Variants in OTUD7A observed in about 807,000 individuals in gnomAD.
The protein encoded by OTUD7A is OTU domain-containing protein 7A.
OTUD7A carries 12 observed loss-of-function variants against 65.7 expected under a neutral mutation model. The observed-to-expected ratio is 0.18, with a 90% confidence interval of 0.12 to 0.30. OTUD7A has a LOEUF of 0.30. OTUD7A is among the 10% of genes least tolerant of loss of function. The pLI, the probability that OTUD7A is intolerant of heterozygous loss-of-function variation, is 1.00. For synonymous variants in OTUD7A, 641 were observed against 586.3 expected (o/e 1.09, Z -1.35); for missense variants, 1,148 against 1,304.8 (o/e 0.88, Z 1.85).
intron 1 of OTUD7A, among the ~76,000 whole-genome samples, chr15:31,752,020 C>G (rs1894651159): frequency 6.6e-6 from 1 of 152,102 alleles, no homozygotes; most frequent in African/African-American, 2.4e-5. Context: ...TGTAACAAAC[C>G]TGCACACATA....
intron 10 of OTUD7A, 124 bp downstream of exon 10, chr15:31,501,566 T>C (rs2041465221): frequency 1.7e-6 from 2 of 1,209,608 alleles, no homozygotes; most frequent in Non-Finnish European, 2.3e-6. Context: ...CACTGCTGAG[T>C]GTGCACAGGT....
At chr15:31,678,225 G>C (rs1892636238) in intron 1 of OTUD7A, among the ~76,000 whole-genome samples, 1 of 152,188 alleles carries the variant, frequency 6.6e-6, no homozygotes, top group Non-Finnish European at 1.5e-5. Flanking sequence ...CATTCACAAA[G>C]ATATGGTTTG....
chr15:31,760,930 T>G (rs950850458), intron 1 of OTUD7A, among the ~76,000 whole-genome samples: 3 of 152,122 alleles, frequency 2.0e-5, no homozygotes, highest in African/African-American at 7.2e-5. Flanking sequence ...GTTTTTTTGT[T>G]TTTTTGTTTT....
rs141428183 is a variant in OTUD7A at position 31,597,194 on chromosome 15, C to T, written c.152-26997G>A. Reference sequence around the variant, plus strand: ...CTGCCGGCCTTGGCCTCTGAAAGTGCTGGGATTATAGGTGTGAGCCACTGT... The same window carrying T: ...CTGCCGGCCTTGGCCTCTGAAAGTGTTGGGATTATAGGTGTGAGCCACTGT... On this transcript the variant is annotated intron_variant, in intron 3 of 12. Transcript: ENST00000307050. Among the ~76,000 whole-genome samples, 356 of 152,246 alleles carry T rather than the reference C, an allele frequency of 2.3e-3. 2 individuals are homozygous for T. Among genetic ancestry groups the T allele is most frequent in the African/African-American group, 8.3e-3 (344 of 41,506 alleles).
intron 1 of OTUD7A, among the ~76,000 whole-genome samples, chr15:31,725,227 G>A (rs182622375): frequency 6.6e-6 from 1 of 152,144 alleles, no homozygotes; most frequent in South Asian, 2.1e-4. Context: ...TGCCCTGCTG[G>A]GAAACTGAAC....
intron 10 of OTUD7A, among the ~76,000 whole-genome samples, chr15:31,493,159 AAAG>A (rs1434400556): frequency 3.1e-4 from 29 of 93,058 alleles, no homozygotes; most frequent in East Asian, 1.0e-3. Flanking sequence ...GAAAAAAAAA[AAAG>A]AAAAAGAATC....
At chr15:31,606,879 T>C (rs1890253862) in intron 3 of OTUD7A, among the ~76,000 whole-genome samples, 1 of 152,232 alleles carries the variant, frequency 6.6e-6, no homozygotes, top group African/African-American at 2.4e-5. Context: ...AAAATTTTCA[T>C]ACACAAAACT....
chr15:31,727,005 G>A (rs930719713), intron 1 of OTUD7A, among the ~76,000 whole-genome samples: 5 of 152,252 alleles, frequency 3.3e-5, no homozygotes, highest in African/African-American at 9.6e-5. Context: ...TCAGAGAGGT[G>A]AGGCTGACTG....
At chr15:31,537,384 T>C (rs112363532) in intron 5 of OTUD7A, among the ~76,000 whole-genome samples, 7 of 152,298 alleles carry the variant, frequency 4.6e-5, no homozygotes, top group African/African-American at 1.7e-4. Flanking sequence ...CAAAGTTAAG[T>C]AGACGAACAT....
At position 31,484,503 on chromosome 15, in the gene OTUD7A, C is replaced by A. The variant is rs369730464; in HGVS notation, c.1593G>T (p.Leu531=). The A allele has an allele frequency of 9.3e-6, 15 of 1,609,408 alleles. No homozygotes were observed. The highest frequency in any genetic ancestry group is 3.3e-4 in the Middle Eastern group (2 of 6,082). ...ANKLGSFSKT[L]GIKLKKNMGG... ...CCATGTTTTTCTTCAGCTTGATGCCCAGCGTCTTGCTGAAGCTGCCCAGCT... is the reference window on the plus strand; with the variant it reads ...CCATGTTTTTCTTCAGCTTGATGCCAAGCGTCTTGCTGAAGCTGCCCAGCT... The change falls in exon 13 of 13, where the codon CTG becomes CTT. Residue 531 remains leucine, a synonymous_variant. Transcript: ENST00000307050. This position sits in a 1 kb window ranked among gnomAD's most constrained non-coding sequence, Gnocchi z 4.5.
At chr15:31,838,186 A>T (rs1312582554) in intron 1 of OTUD7A, among the ~76,000 whole-genome samples, 1 of 152,274 alleles carries the variant, frequency 6.6e-6, no homozygotes. Flanking sequence ...TTGTAGGAGA[A>T]TATGTTTTGT....
intron 3 of OTUD7A, among the ~76,000 whole-genome samples, chr15:31,611,279 A>G (rs1890412759): frequency 6.6e-6 from 1 of 152,230 alleles, no homozygotes; most frequent in Admixed American, 6.5e-5. Flanking sequence ...AGCCAAACCC[A>G]GCAGAATAAA....
intron 8 of OTUD7A, among the ~76,000 whole-genome samples, chr15:31,510,087 T>G (rs894619998): frequency 2.6e-5 from 4 of 152,010 alleles, no homozygotes; most frequent in South Asian, 2.1e-4. Flanking sequence ...CCCCTGTTTT[T>G]TTTTTTTTTC....
chr15:31,839,979 T>C (rs2140992716), intron 1 of OTUD7A, among the ~76,000 whole-genome samples: 1 of 152,310 alleles, frequency 6.6e-6, no homozygotes, highest in South Asian at 2.1e-4. Flanking sequence ...TTATTTTGTC[T>C]TGCTAGCTCT....
At position 31,575,212 on chromosome 15, in the gene OTUD7A, G is replaced by A. The variant is rs539273037; in HGVS notation, c.152-5015C>T. ...TAAGTCAAGTAGCCAACCTAAAACA[G>A]AAATACAGAAACAGGGCTTCCCCAT... On this transcript the variant is annotated intron_variant, in intron 3 of 12. Transcript: ENST00000307050. 5.3e-5 allele frequency among the ~76,000 whole-genome samples: 8 copies of A among 152,280 alleles called. No individual in the cohort carries two copies. In the East Asian group the frequency reaches 1.5e-3, roughly 29 times the overall value.
intron 3 of OTUD7A, among the ~76,000 whole-genome samples, chr15:31,609,026 G>A (rs981662493): frequency 6.6e-6 from 1 of 152,138 alleles, no homozygotes; most frequent in Admixed American, 6.5e-5. Flanking sequence ...ACCTTACCTG[G>A]AGCAGAGTCA....
intron 1 of OTUD7A, among the ~76,000 whole-genome samples, chr15:31,708,949 A>G (rs1320297904): frequency 1.3e-5 from 2 of 151,622 alleles, no homozygotes; most frequent in African/African-American, 4.9e-5. Flanking sequence ...ATGTCAGAGA[A>G]GATGTGAAAG....
At chr15:31,633,474 T>A (rs1283788705) in intron 3 of OTUD7A, among the ~76,000 whole-genome samples, 2 of 152,206 alleles carry the variant, frequency 1.3e-5, no homozygotes, top group Admixed American at 6.5e-5. Context: ...GACTTTCTCA[T>A]ACCAGAAGCA....
chr15:31,585,641 G>A (rs1367103161), intron 3 of OTUD7A, among the ~76,000 whole-genome samples: 1 of 152,200 alleles, frequency 6.6e-6, no homozygotes, highest in African/African-American at 2.4e-5. Flanking sequence ...CAGCTGGGGT[G>A]CAAGCCTCTA....
Sources: gnomAD v4.1 joint callset for allele counts (sites outside exome capture counted in the v4.1 genomes callset) on GRCh38, gnomAD v4.1.1 for gene constraint, Gnocchi (gnomAD v3.1) non-coding constraint, MANE v1.5 for transcripts, NCBI Gene and HGNC (gene_info 2026-07-23, HGNC 2026-07-21) for gene names.